SCHIP1: variants seen among roughly 807,000 people sequenced by gnomAD.
The protein encoded by SCHIP1 is schwannomin interacting protein 1, also known as schwannomin-interacting protein 1.
A neutral mutation model predicts 29.7 loss-of-function variants in SCHIP1; 8 were observed. The observed-to-expected ratio is 0.27, with a 90% confidence interval of 0.16 to 0.49. The LOEUF is 0.49. Ranked by LOEUF, SCHIP1 falls within the 20% of genes least tolerant of loss-of-function variation. SCHIP1 has a pLI of 0.99. For missense variants in SCHIP1, 193 were observed against 294.6 expected (o/e 0.66, Z 2.52); for synonymous variants, 76 against 94.9 (o/e 0.80, Z 1.16).
the SCHIP1 span, among the ~76,000 whole-genome samples, chr3:159,590,458 C>A: frequency 1.3e-5 from 2 of 152,102 alleles, no homozygotes; most frequent in African/African-American, 4.8e-5. Context: ...CACCTGTAGT[C>A]CCAGCTACTT....
At chr3:159,465,436 G>A in the SCHIP1 span, among the ~76,000 whole-genome samples, 7 of 151,766 alleles carry the variant, frequency 4.6e-5, no homozygotes, top group South Asian at 4.2e-4. Context: ...AGATGAAAGC[G>A]TTTTAACAAT....
chr3:159,463,504 T>C, the SCHIP1 span, among the ~76,000 whole-genome samples: 1 of 152,118 alleles, frequency 6.6e-6, no homozygotes, highest in Non-Finnish European at 1.5e-5. Context: ...GAAGAAGTGT[T>C]CCCAGGGTCA....
chr3:159,286,562 G>T, the SCHIP1 span, among the ~76,000 whole-genome samples: 1 of 152,134 alleles, frequency 6.6e-6, no homozygotes, highest in Admixed American at 6.5e-5. Flanking sequence ...ATGGCAGAAT[G>T]ATTTATATTC....
At chr3:159,792,593 T>C in the SCHIP1 span, among the ~76,000 whole-genome samples, 1 of 152,220 alleles carries the variant, frequency 6.6e-6, no homozygotes, top group South Asian at 2.1e-4. Context: ...TTCACACAAT[T>C]AGTTGGCATT....
chr3:159,870,230 T>A (rs530579530), intron 2 of SCHIP1, among the ~76,000 whole-genome samples: 2 of 152,024 alleles, frequency 1.3e-5, no homozygotes, highest in Non-Finnish European at 2.9e-5. Flanking sequence ...CTTTGTCTTA[T>A]TGGATTGGCT....
the SCHIP1 span, among the ~76,000 whole-genome samples, chr3:159,279,551 C>T: frequency 6.6e-6 from 1 of 152,022 alleles, no homozygotes; most frequent in Non-Finnish European, 1.5e-5. Flanking sequence ...TCTGCCATAC[C>T]TGGACTTCTG....
chr3:159,768,923 C>T, the SCHIP1 span, among the ~76,000 whole-genome samples: 1 of 152,260 alleles, frequency 6.6e-6, no homozygotes, highest in Non-Finnish European at 1.5e-5. Context: ...CTTCCATGGG[C>T]AGCCCCTGCT....
intron 6 of SCHIP1, among the ~76,000 whole-genome samples, chr3:159,895,931 G>C (rs111591222): frequency 6.6e-6 from 1 of 152,146 alleles, no homozygotes; most frequent in African/African-American, 2.4e-5. Context: ...CCTGACCTCA[G>C]GTGATCCACC....
the SCHIP1 span, among the ~76,000 whole-genome samples, chr3:159,281,915 C>G: frequency 2.6e-5 from 4 of 152,052 alleles, no homozygotes; most frequent in Non-Finnish European, 5.9e-5. Flanking sequence ...TGTGTATACA[C>G]TAGGTATTAG....
At chr3:159,837,237 A>G (rs1743747279), upstream of SCHIP1, among the ~76,000 whole-genome samples, 1 of 152,192 alleles carries the variant, frequency 6.6e-6, no homozygotes, top group Non-Finnish European at 1.5e-5. Context: ...GCTTGGAAAC[A>G]TGTTCCTGAG....
the SCHIP1 span, among the ~76,000 whole-genome samples, chr3:159,586,221 T>A: frequency 6.6e-6 from 1 of 152,084 alleles, no homozygotes; most frequent in African/African-American, 2.4e-5. Flanking sequence ...GGATGTCTAT[T>A]TCTCCAGCTG....
At chr3:159,653,010 C>A in the SCHIP1 span, among the ~76,000 whole-genome samples, 1 of 151,634 alleles carries the variant, frequency 6.6e-6, no homozygotes, top group Non-Finnish European at 1.5e-5. Context: ...GAGGCCAGGG[C>A]AGGTATGGCG....
the SCHIP1 span, among the ~76,000 whole-genome samples, chr3:159,670,479 CT>C: frequency 3.9e-5 from 6 of 152,262 alleles, 1 homozygote; most frequent in African/African-American, 1.4e-4. Context: ...TGAATGCTTC[CT>C]TTTGCTGTCC....
the SCHIP1 span, among the ~76,000 whole-genome samples, chr3:159,651,630 G>A: frequency 2.0e-5 from 3 of 152,174 alleles, no homozygotes; most frequent in African/African-American, 7.2e-5. Context: ...TCTGTAGAGA[G>A]CAGTTGCAAG....
the SCHIP1 span, among the ~76,000 whole-genome samples, chr3:159,319,348 C>T: frequency 1.6e-3 from 243 of 152,226 alleles, no homozygotes; most frequent in African/African-American, 5.7e-3. Context: ...CAATAAAGGT[C>T]AGTGTAACAA....
the SCHIP1 span, among the ~76,000 whole-genome samples, chr3:159,774,005 G>GC: frequency 6.6e-6 from 1 of 152,160 alleles, no homozygotes; most frequent in Non-Finnish European, 1.5e-5. Context: ...CGACTTGTAT[G>GC]CCACTTACTT....
chr3:159,444,891 G>A, the SCHIP1 span, among the ~76,000 whole-genome samples: 44 of 152,318 alleles, frequency 2.9e-4, no homozygotes, highest in African/African-American at 9.1e-4. Flanking sequence ...CTGATGTTGA[G>A]GGAGTGAAGG....
At chr3:159,284,183 T>C in the SCHIP1 span, among the ~76,000 whole-genome samples, 1 of 152,164 alleles carries the variant, frequency 6.6e-6, no homozygotes. Flanking sequence ...ATGTCTTTTC[T>C]TATAAATACT....
At chr3:159,669,871 G>A in the SCHIP1 span, among the ~76,000 whole-genome samples, 2 of 152,136 alleles carry the variant, frequency 1.3e-5, no homozygotes, top group Non-Finnish European at 2.9e-5. Context: ...GTGATGAATC[G>A]TTTTTCAAGT....
Sources: gnomAD v4.1 joint callset for allele counts (sites outside exome capture counted in the v4.1 genomes callset) on GRCh38, gnomAD v4.1.1 for gene constraint, MANE v1.5 for transcripts, NCBI Gene and HGNC (gene_info 2026-07-23, HGNC 2026-07-21) for gene names.